The following FHIT variants were observed in gnomAD, a reference collection of about 807,000 sequenced individuals.
FHIT encodes fragile histidine triad diadenosine triphosphatase.
A neutral mutation model predicts 17.9 loss-of-function variants in FHIT; 19 were observed. The observed-to-expected ratio is 1.06, with a 90% confidence interval of 0.74 to 1.56. FHIT has a LOEUF of 1.56. FHIT is among the 40% of genes most tolerant of loss of function. FHIT has a pLI of 0.00. For synonymous variants in FHIT, 81 were observed against 69.7 expected (o/e 1.16, Z -0.81); for missense variants, 248 against 189.2 (o/e 1.31, Z -1.82).
At chr3:61,033,427 T>C (rs1372701211) in intron 3 of FHIT, among the ~76,000 whole-genome samples, 2 of 152,190 alleles carry the variant, frequency 1.3e-5, no homozygotes, top group Admixed American at 6.5e-5. Context: ...AAAAAAACTG[T>C]AAAATACCTC....
intron 2 of FHIT, among the ~76,000 whole-genome samples, chr3:61,063,255 C>CACAAAAAAAAAAAAAA (rs2034490567): frequency 1.0e-5 from 1 of 95,882 alleles, no homozygotes. Context: ...GACTCTGTCT[C>CACAAAAAAAAAAAAAA]AAAAAAAAAA....
At chr3:60,094,617 T>C (rs1703863407) in intron 5 of FHIT, among the ~76,000 whole-genome samples, 1 of 152,170 alleles carries the variant, frequency 6.6e-6, no homozygotes, top group Non-Finnish European at 1.5e-5. Flanking sequence ...CAGACACCTG[T>C]CAAAATGTAA....
At chr3:59,777,503 C>T (rs1011896257) in intron 8 of FHIT, among the ~76,000 whole-genome samples, 6 of 152,136 alleles carry the variant, frequency 3.9e-5, no homozygotes, top group Admixed American at 3.3e-4. Flanking sequence ...AGCCTTTGCA[C>T]CCAATCCATG....
chr3:61,030,089 C>A (rs2032937796), intron 3 of FHIT, among the ~76,000 whole-genome samples: 1 of 152,162 alleles, frequency 6.6e-6, no homozygotes, highest in African/African-American at 2.4e-5. Flanking sequence ...CCTACCTCAG[C>A]CTCCCGATTA....
At chr3:61,208,250 C>T (rs567872045) in intron 1 of FHIT, among the ~76,000 whole-genome samples, 26 of 151,908 alleles carry the variant, frequency 1.7e-4, no homozygotes, top group Middle Eastern at 3.4e-3. Context: ...TGGTCAATTT[C>T]AGAATAGGTG....
chr3:60,483,813 G>A (rs971562995), intron 5 of FHIT, among the ~76,000 whole-genome samples: 6 of 152,110 alleles, frequency 3.9e-5, no homozygotes, highest in African/African-American at 1.4e-4. Context: ...ACATAGTATT[G>A]AAAGTTCTGG....
At chr3:59,947,591 A>G (rs773614579) in intron 7 of FHIT, among the ~76,000 whole-genome samples, 1 of 152,096 alleles carries the variant, frequency 6.6e-6, no homozygotes, top group Non-Finnish European at 1.5e-5. Flanking sequence ...CATTTCTGGA[A>G]GATTTCAGGG....
intron 8 of FHIT, among the ~76,000 whole-genome samples, chr3:59,886,995 C>T (rs1394875365): frequency 6.6e-6 from 1 of 152,120 alleles, no homozygotes; most frequent in Non-Finnish European, 1.5e-5. Context: ...CTGTGGCACT[C>T]AAAGAAGTGA....
chr3:61,077,113 CAACA>C lies in FHIT; in HGVS notation c.-163-35018_-163-35015del, dbSNP rs2034994912. Among the ~76,000 whole-genome samples the C allele has an allele frequency of 5.9e-5, 9 of 152,074 alleles. No individual in the cohort carries two copies. The South Asian group carries it at 1.9e-3, about 31-fold the overall frequency. ...ACATACCTGAAACACAATCTTGAACCAACAAACATTTGTTTGATGGAAGGATAAA... is the reference window on the plus strand; with the variant it reads ...ACATACCTGAAACACAATCTTGAACCAACATTTGTTTGATGGAAGGATAAA... On this transcript the variant is annotated intron_variant, in intron 2 of 9. Coordinates refer to ENST00000492590, the MANE Select transcript of FHIT (RefSeq NM_002012.4).
chr3:61,169,029 C>A (rs182332439), intron 2 of FHIT, among the ~76,000 whole-genome samples: 1 of 152,240 alleles, frequency 6.6e-6, no homozygotes, highest in East Asian at 1.9e-4. Flanking sequence ...AAGTTAAATT[C>A]TAAGTCAATA....
rs185671096 is a variant in FHIT, at chr3:59,967,673, A to C, written c.279+43698T>G. 2.9e-3 allele frequency among the ~76,000 whole-genome samples: 445 copies of C among 152,292 alleles called. 3 individuals are homozygous for C. Among genetic ancestry groups the C allele is most frequent in the African/African-American group, 0.01 (428 of 41,564 alleles). Reference sequence around the variant, plus strand: ...GCAAAGGTGTTCACGAAGAGCCAGCATGGCTCCCAAAGGCACCTCAGTTTC... The same window carrying C: ...GCAAAGGTGTTCACGAAGAGCCAGCCTGGCTCCCAAAGGCACCTCAGTTTC... On this transcript the variant is annotated intron_variant, in intron 7 of 9. Transcript: ENST00000492590.
chr3:60,041,427 C>T (rs1414001670), intron 5 of FHIT, among the ~76,000 whole-genome samples: 2 of 152,146 alleles, frequency 1.3e-5, no homozygotes. Context: ...CAAAGTATAG[C>T]AATGCCCTGA....
intron 4 of FHIT, among the ~76,000 whole-genome samples, chr3:60,574,110 A>G (rs1204747800): frequency 2.0e-5 from 3 of 152,110 alleles, no homozygotes; most frequent in South Asian, 2.1e-4. Context: ...ACGTCTGGTT[A>G]GTATTATGTA....
Position 61,209,397 on chromosome 3 carries a change from T to C in FHIT, c.-212-8732A>G, listed in dbSNP as rs192791737. On this transcript the variant is annotated intron_variant, in intron 1 of 9. Transcript: ENST00000492590. ...AGATTGGGGAAGTTCTCCTGAATGA[T>C]ATCCTGCAGAGTGTTTTCCAACTTG... Among the ~76,000 whole-genome samples the C allele has an allele frequency of 5.1e-4, 78 of 152,358 alleles. 1 individual carries two copies. In the East Asian group the frequency reaches 0.013, roughly 25 times the overall value.
intron 5 of FHIT, among the ~76,000 whole-genome samples, chr3:60,379,015 G>GT (rs1239290926): frequency 6.6e-6 from 1 of 152,204 alleles, no homozygotes; most frequent in Non-Finnish European, 1.5e-5. Context: ...TCTAAAACTG[G>GT]TTTTGTAGAC....
Position 59,917,405 on chromosome 3 carries a change from G to A in FHIT, c.348+4941C>T, listed in dbSNP as rs1228131357. 2.0e-5 allele frequency among the ~76,000 whole-genome samples: 3 copies of A among 152,106 alleles called. No homozygotes were observed. The East Asian group carries it at 5.8e-4, about 29-fold the overall frequency. On this transcript the variant is annotated intron_variant, in intron 8 of 9. Coordinates refer to ENST00000492590, the MANE Select transcript of FHIT (RefSeq NM_002012.4). ...AGTTGGTTATTTGGGATACAGCTAG[G>A]GTAAGTCTTACTGAGTTAATGAAAT...
At chr3:60,321,924 C>A (rs1479519741) in intron 5 of FHIT, among the ~76,000 whole-genome samples, 1 of 152,150 alleles carries the variant, frequency 6.6e-6, no homozygotes, top group Non-Finnish European at 1.5e-5. Context: ...GCAGAGCCCT[C>A]GTGACTTAAT....
Position 60,603,352 on chromosome 3 carries a change from CTT to C in FHIT, c.-17-66375_-17-66374del, listed in dbSNP as rs756179334. Among the ~76,000 whole-genome samples, 245 of 152,266 alleles carry C rather than the reference CTT, an allele frequency of 1.6e-3. 1 individual carries two copies. Among genetic ancestry groups the C allele is most frequent in the Non-Finnish European group, 2.9e-3 (200 of 68,022 alleles). On this transcript the variant is annotated intron_variant, in intron 4 of 9. Coordinates refer to ENST00000492590, the MANE Select transcript of FHIT (RefSeq NM_002012.4). The stretch of plus-strand genomic sequence containing the variant: ...ATTCAGGTAAAATTAAATTTAACAT[CTT>C]TATTGATAAAGCAGATATATTATGA...
intron 7 of FHIT, among the ~76,000 whole-genome samples, chr3:59,980,873 T>G (rs759944118): frequency 6.6e-6 from 1 of 152,202 alleles, no homozygotes; most frequent in African/African-American, 2.4e-5. Flanking sequence ...GCATCCCAAA[T>G]GAACTAAACT....
Sources: gnomAD v4.1 joint callset for allele counts (sites outside exome capture counted in the v4.1 genomes callset) on GRCh38, gnomAD v4.1.1 for gene constraint, MANE v1.5 for transcripts, NCBI Gene and HGNC (gene_info 2026-07-23, HGNC 2026-07-21) for gene names.